Variants in CBR4 observed in about 807,000 individuals in gnomAD.
CBR4 encodes the protein carbonyl reductase 4.
CBR4 carries 22 observed loss-of-function variants against 21.0 expected under a neutral mutation model. The observed-to-expected ratio is 1.05, with a 90% CI of 0.75 to 1.50. The LOEUF is 1.50. Among genes scored for constraint, CBR4 ranks in the 40% most tolerant of loss-of-function variants. The pLI, the probability that CBR4 is intolerant of heterozygous loss-of-function variation, is 0.00. For synonymous variants in CBR4, 100 were observed against 104.4 expected (o/e 0.96, Z 0.26); for missense variants, 302 against 286.3 (o/e 1.05, Z -0.40).
chr4:168,924,468 G>C (rs372758349), intron 2 of CBR4: 14 of 1,504,464 alleles, frequency 9.3e-6, no homozygotes, highest in Non-Finnish European at 1.3e-5. Flanking sequence ...CAGTCCTAAT[G>C]ATGTATCAAA....
At chr4:168,952,663 G>T (rs945695191) in intron 2 of CBR4, among the ~76,000 whole-genome samples, 2 of 152,156 alleles carry the variant, frequency 1.3e-5, no homozygotes, top group Non-Finnish European at 2.9e-5. Flanking sequence ...CCTGAGAGCC[G>T]AGCTGCAGTG....
rs777057820 is a variant in CBR4, at chr4:168,921,700, G to A, written n.170-26935C>T. ...ATCTACACATGTATAGCTACCAACCGAGCAGGACAGAACTCATTCAGCCTG... is the reference window on the plus strand; with the variant it reads ...ATCTACACATGTATAGCTACCAACCAAGCAGGACAGAACTCATTCAGCCTG... On this transcript the variant is annotated intron_variant and non_coding_transcript_variant, in intron 2 of 3. Coordinates refer to the CBR4 transcript ENST00000509108. The A allele has an allele frequency of 5.0e-6, 8 of 1,611,406 alleles. No homozygotes were observed. Among genetic ancestry groups the A allele is most frequent in the Non-Finnish European group, 5.9e-6 (7 of 1,179,820 alleles).
chr4:168,988,165 C>A lies in CBR4; in HGVS notation c.*1985G>T, dbSNP rs1578986807. ...GAAGGTAAGTATTAAATTACAAATT[C>A]TACTAGGTCAGTGGGAGTGGGCGGA... is the stretch of plus-strand genomic sequence containing the variant. On this transcript the variant is annotated 3_prime_UTR_variant, in exon 5 of 5. Coordinates refer to ENST00000306193, the MANE Select transcript of CBR4 (RefSeq NM_032783.5). The A allele has an allele frequency of 1.0e-6, 1 of 985,376 alleles. No individual in the cohort carries two copies. The highest frequency in any genetic ancestry group is 1.1e-4 in the East Asian group (1 of 8,824). 61.0% of individuals were successfully genotyped at this position (985,376 alleles called of 1,614,324 possible).
chr4:168,948,852 T>C lies in CBR4; in HGVS notation n.169+53219A>G, dbSNP rs1385278223. Among the ~76,000 whole-genome samples the C allele has an allele frequency of 2.6e-5, 4 of 152,320 alleles. No individual in the cohort carries two copies. The Middle Eastern group carries it at 0.01, about 389-fold the overall frequency. ...AGCCTTGCTTTGGCTATGTGGGCAA[T>C]TTTTTGGTTTCATAAGAATTTTAGA... On this transcript the variant is annotated intron_variant and non_coding_transcript_variant, in intron 2 of 3. Coordinates refer to the CBR4 transcript ENST00000509108.
intron 4 of CBR4, among the ~76,000 whole-genome samples, chr4:169,000,952 T>A (rs537091303): frequency 6.6e-6 from 1 of 152,182 alleles, no homozygotes; most frequent in East Asian, 1.9e-4. Context: ...TGTAATGATA[T>A]AAAGAAAATC....
chr4:168,896,594 C>G (rs1200325013), intron 2 of CBR4: 6 of 1,504,680 alleles, frequency 4.0e-6, no homozygotes, highest in South Asian at 1.2e-5. Flanking sequence ...TCTGGATGGT[C>G]AAAAGGTTAA....
intron 2 of CBR4, among the ~76,000 whole-genome samples, chr4:168,972,265 T>C (rs763800704): frequency 1.3e-5 from 2 of 152,226 alleles, no homozygotes; most frequent in Non-Finnish European, 2.9e-5. Flanking sequence ...CTATGCAGGC[T>C]CTTTTTCGGT....
downstream of CBR4, among the ~76,000 whole-genome samples, chr4:168,985,549 A>C (rs902417221): frequency 3.3e-5 from 5 of 152,228 alleles, no homozygotes; most frequent in Admixed American, 2.6e-4. Flanking sequence ...TATATTCCCA[A>C]AGGAATATAA....
chr4:168,933,197 T>TA (rs1763015478), intron 2 of CBR4, among the ~76,000 whole-genome samples: 1 of 151,756 alleles, frequency 6.6e-6, no homozygotes, highest in African/African-American at 2.4e-5. Context: ...TAAATTAAAT[T>TA]CCCCAATTAA....
chr4:168,967,927 C>T (rs1764091409), intron 2 of CBR4, among the ~76,000 whole-genome samples: 1 of 152,138 alleles, frequency 6.6e-6, no homozygotes, highest in Admixed American at 6.6e-5. Context: ...TAGGATACTC[C>T]ATGCCTCAAC....
At chr4:168,964,935 T>C (rs921084437) in intron 2 of CBR4, among the ~76,000 whole-genome samples, 4 of 152,084 alleles carry the variant, frequency 2.6e-5, no homozygotes, top group African/African-American at 4.8e-5. Flanking sequence ...TTGGGACATG[T>C]TTTTTGTTTT....
rs60552620 is a variant in CBR4, at chr4:169,002,212, C to CAAAAAAAAAAAAAAAA, written c.401-23_401-8dup. The stretch of plus-strand genomic sequence containing the variant: ...TTTAAGCCAACAATGCTTCCTAGGA[C>CAAAAAAAAAAAAAAAA]AAAAAAAAAAAAAAAAAAAAAAAAA... On this transcript the variant is annotated splice_region_variant and splice_polypyrimidine_tract_variant and intron_variant, in intron 3 of 4. Transcript: ENST00000306193. 3 of 737,108 alleles carry CAAAAAAAAAAAAAAAA rather than the reference C, an allele frequency of 4.1e-6. No homozygotes were observed. The highest frequency in any genetic ancestry group is 3.0e-5 in the African/African-American group (1 of 33,022). The allele number at this position is 737,108 out of a possible 1,614,324, so 45.7% of individuals were successfully genotyped here.
chr4:168,990,437 A>AG, intron 4 of CBR4, 109 bp from the exon 5 acceptor site: 1 of 933,756 alleles, frequency 1.1e-6, no homozygotes. Context: ...GAAATTATTT[A>AG]AAAAAAAATT....
At chr4:169,000,465 T>C (rs961421543) in intron 4 of CBR4, among the ~76,000 whole-genome samples, 1 of 152,090 alleles carries the variant, frequency 6.6e-6, no homozygotes, top group Non-Finnish European at 1.5e-5. Flanking sequence ...AAATCCCTGA[T>C]ACCTGCTGGC....
chr4:168,968,212 C>T (rs1764102375), intron 2 of CBR4, among the ~76,000 whole-genome samples: 2 of 152,182 alleles, frequency 1.3e-5, no homozygotes, highest in Admixed American at 1.3e-4. Flanking sequence ...ATATTTTCTA[C>T]AGGAACAAAA....
chr4:168,982,640 C>T (rs779169976), downstream of CBR4, among the ~76,000 whole-genome samples: 6 of 152,258 alleles, frequency 3.9e-5, no homozygotes, highest in Non-Finnish European at 8.8e-5. Context: ...GCACAAGGAA[C>T]ATACTCTAAA....
intron 2 of CBR4, among the ~76,000 whole-genome samples, chr4:168,932,400 A>G (rs969501772): frequency 6.6e-6 from 1 of 152,266 alleles, no homozygotes; most frequent in East Asian, 1.9e-4. Context: ...AGACAAAAAA[A>G]AAAGAATAAA....
chr4:168,931,542 C>A (rs1762970123), intron 2 of CBR4, among the ~76,000 whole-genome samples: 1 of 152,054 alleles, frequency 6.6e-6, no homozygotes. Flanking sequence ...CATGGACACA[C>A]CCCCTGGCTG....
At chr4:168,936,734 A>G (rs1311630769) in intron 2 of CBR4, among the ~76,000 whole-genome samples, 2 of 152,156 alleles carry the variant, frequency 1.3e-5, no homozygotes, top group African/African-American at 2.4e-5. Context: ...AAGATTAGAG[A>G]AAAAAGAATG....
Sources: gnomAD v4.1 joint callset for allele counts (sites outside exome capture counted in the v4.1 genomes callset) on GRCh38, gnomAD v4.1.1 for gene constraint, MANE v1.5 for transcripts, NCBI Gene and HGNC (gene_info 2026-07-23, HGNC 2026-07-21) for gene names.